The following INO80C variants were observed in gnomAD, a reference collection of about 807,000 sequenced individuals.
INO80C encodes INO80 complex subunit C.
A neutral mutation model predicts 17.7 loss-of-function variants in INO80C; 17 were observed. The observed-to-expected ratio is 0.96, with a 90% CI of 0.66 to 1.44. The LOEUF is 1.44. Among genes scored for constraint, INO80C ranks in the 40% most tolerant of loss-of-function variants. The probability of loss-of-function intolerance (pLI) is 0.00; values close to 1 mark genes in which losing one functional copy is unlikely to be tolerated. For missense variants in INO80C, 244 were observed against 245.0 expected, an observed-to-expected ratio of 1.00 and a Z score of 0.03; for synonymous variants, 96 against 95.8, an observed-to-expected ratio of 1.00 and a Z score of -0.01.
chr18:35,485,828 G>A (rs541156802), intron 1 of INO80C, among the ~76,000 whole-genome samples: 1 of 152,224 alleles, frequency 6.6e-6, no homozygotes, highest in African/African-American at 2.4e-5. Context: ...CTGATGAAGA[G>A]ATAAAATGTG....
Position 35,468,755 on chromosome 18 carries a change from A to C in INO80C, c.448-13T>G. The C allele has an allele frequency of 1.2e-6, 2 of 1,612,472 alleles. No individual in the cohort carries two copies. The highest frequency in any genetic ancestry group is 4.5e-5 in the East Asian group (2 of 44,854). ...CTGTGTAGTTGGCCTGGGTGAAAAGAGGCACAGGGAAGGGCAGAAAGTTTT... is the reference window on the plus strand; with the variant it reads ...CTGTGTAGTTGGCCTGGGTGAAAAGCGGCACAGGGAAGGGCAGAAAGTTTT... On this transcript the variant is annotated splice_polypyrimidine_tract_variant and intron_variant, in intron 4 of 4. Coordinates refer to ENST00000334598, the MANE Select transcript of INO80C (RefSeq NM_194281.4).
intron 1 of INO80C, among the ~76,000 whole-genome samples, chr18:35,486,508 T>C (rs1484206471): frequency 2.0e-5 from 3 of 152,232 alleles, no homozygotes; most frequent in Non-Finnish European, 4.4e-5. Context: ...GTGAATTTTA[T>C]AGTATGTGAA....
In INO80C at chr18:35,474,244, T is replaced by TATATATAC. The variant is rs1163516427; in HGVS notation, c.447+4037_447+4038insGTATATAT. 1.6e-4 allele frequency among the ~76,000 whole-genome samples: 21 copies of TATATATAC among 134,702 alleles called. 1 individual carries two copies. The highest frequency in any genetic ancestry group is 4.6e-4 in the South Asian group (2 of 4,322). The allele number at this position is 134,702 out of a possible 152,430, so 88.4% of individuals were successfully genotyped here. A position where few individuals can be genotyped will look rare whatever the true frequency, so the allele number is the denominator to read the frequency against. On this transcript the variant is annotated intron_variant, in intron 4 of 4. Transcript: ENST00000334598. ...ATATATATATATATATATATATATA[T>TATATATAC]ACTTAATAACTAAGTAGTCTTAAAA...
intron 1 of INO80C, among the ~76,000 whole-genome samples, chr18:35,489,993 A>T (rs536213765): frequency 1.7e-4 from 26 of 151,914 alleles, no homozygotes; most frequent in Non-Finnish European, 3.4e-4. Flanking sequence ...TATTTAGAGG[A>T]TTAAAAAAAA....
intron 1 of INO80C, among the ~76,000 whole-genome samples, chr18:35,489,762 A>C (rs945016452): frequency 6.6e-6 from 1 of 152,202 alleles, no homozygotes. Context: ...GTGTTGTATC[A>C]GAGTTAACTT....
At chr18:35,483,402 T>C (rs772826962) in intron 1 of INO80C, 1 of 152,162 alleles carries the variant, frequency 6.6e-6, no homozygotes, top group Non-Finnish European at 1.5e-5. Context: ...ATATTGTATA[T>C]ATGATTGATA....
rs2045661477 is a variant in INO80C, at chr18:35,470,861, C to T, written c.448-2119G>A. On this transcript the variant is annotated intron_variant, in intron 4 of 4. Transcript: ENST00000334598. ...AAAGAGCTTCACACCTACAGTCCAC[C>T]CTCCTCTGGATGCCATCCTTTGAGC... is the stretch of plus-strand genomic sequence containing the variant. Among the ~76,000 whole-genome samples, 3 of 152,336 alleles carry T rather than the reference C, an allele frequency of 2.0e-5. No individual in the cohort carries two copies. In the South Asian group the frequency reaches 6.2e-4, roughly 32 times the overall value.
Position 35,479,348 on chromosome 18 carries a change from T to C in INO80C, c.331A>G (p.Ile111Val). ...GGCAATGCCCTTTCAGAAGCGAGGA[T>C]TTGTTTCAGGTTCTTCCAGGTTCTG... The part of the protein sequence containing the change: ...KNRTWKNLKQ[I>V]LASERALPWQ... The change falls in exon 3 of 5, where the codon ATC (isoleucine) becomes GTC (valine). Residue 111 changes from isoleucine (I) to valine (V), a missense_variant. By Grantham distance (29) the Ile-to-Val change is conservative (BLOSUM62 3). Transcript: ENST00000334598. 1 of 1,614,120 alleles carries C rather than the reference T, an allele frequency of 6.2e-7. No individual in the cohort carries two copies. The highest frequency in any genetic ancestry group is 8.5e-7 in the Non-Finnish European group (1 of 1,180,000).
intron 1 of INO80C, among the ~76,000 whole-genome samples, chr18:35,487,984 CA>C (rs1384968857): frequency 2.0e-5 from 3 of 152,192 alleles, no homozygotes; most frequent in Admixed American, 6.5e-5. Context: ...CCTAAAGCTC[CA>C]AAATGATCTC....
intron 1 of INO80C, among the ~76,000 whole-genome samples, chr18:35,490,035 G>A (rs1467243327): frequency 6.6e-6 from 1 of 152,032 alleles, no homozygotes; most frequent in Non-Finnish European, 1.5e-5. Flanking sequence ...GCCTCCCCAA[G>A]AGGCACACCC....
intron 1 of INO80C, chr18:35,483,520 G>A (rs2045839107): frequency 6.6e-6 from 1 of 152,190 alleles, no homozygotes; most frequent in Non-Finnish European, 1.5e-5. Flanking sequence ...ATACACAGAG[G>A]GCTCAAAACA....
At chr18:35,483,906 T>A (rs2045844052) in intron 1 of INO80C, among the ~76,000 whole-genome samples, 1 of 152,192 alleles carries the variant, frequency 6.6e-6, no homozygotes, top group African/African-American at 2.4e-5. Flanking sequence ...TGAACCATGT[T>A]AAGGTTTCAT....
intron 4 of INO80C, among the ~76,000 whole-genome samples, chr18:35,472,779 T>C (rs2045685927): frequency 6.6e-6 from 1 of 152,240 alleles, no homozygotes; most frequent in African/African-American, 2.4e-5. Flanking sequence ...TCAAATGTCT[T>C]AATTTCTTCC....
chr18:35,496,027 G>C (rs1171157787), intron 1 of INO80C, among the ~76,000 whole-genome samples: 1 of 152,160 alleles, frequency 6.6e-6, no homozygotes, highest in Non-Finnish European at 1.5e-5. Flanking sequence ...GTATTGTTGA[G>C]GATTTCGAGC....
At position 35,497,813 on chromosome 18, in the gene INO80C, T is replaced by C. The variant is rs766477995; in HGVS notation, c.62A>G (p.Lys21Arg). 2.5e-6 allele frequency: 4 copies of C among 1,612,898 alleles called. 1 individual carries two copies. The highest frequency in any genetic ancestry group is 1.7e-4 in the Middle Eastern group (1 of 6,054). The change falls in exon 1 of 5, where the codon AAG becomes AGG. Residue 21 changes from lysine (K) to arginine (R), a missense_variant. Transcript: ENST00000334598. ...TSTPGIVRNS[K>R]KRPASPSHNG... Reference sequence around the variant, plus strand: ...GTGGGAAGGGCTGGCCGGCCTCTTCTTGCTGTTCCGGACTATTCCGGGAGT... The same window carrying C: ...GTGGGAAGGGCTGGCCGGCCTCTTCCTGCTGTTCCGGACTATTCCGGGAGT...
At chr18:35,495,883 T>C (rs1398584927) in intron 1 of INO80C, among the ~76,000 whole-genome samples, 1 of 152,148 alleles carries the variant, frequency 6.6e-6, no homozygotes, top group African/African-American at 2.4e-5. Context: ...AGATCTGGAA[T>C]GTCCAACAAG....
intron 4 of INO80C, among the ~76,000 whole-genome samples, chr18:35,473,025 T>TA (rs2045688753): frequency 6.6e-6 from 1 of 152,164 alleles, no homozygotes; most frequent in Non-Finnish European, 1.5e-5. Context: ...GCCAATGTCA[T>TA]AAAGGGGCCT....
rs956212161 is a variant in INO80C, at chr18:35,468,346, T to C, written c.*265A>G. 22 of 1,285,208 alleles carry C rather than the reference T, an allele frequency of 1.7e-5. No homozygotes were observed. The highest frequency in any genetic ancestry group is 7.5e-5 in the African/African-American group (5 of 66,886). The allele number at this position is 1,285,208 out of a possible 1,614,324, so 79.6% of individuals were successfully genotyped here. On this transcript the variant is annotated 3_prime_UTR_variant, in exon 5 of 5. Transcript: ENST00000334598. ...AGGGACTTGGGATAAATGAAAAGTA[T>C]GGTTTTATTGTATCTTCTTGTCAAA...
At chr18:35,494,960 A>G (rs185842648) in intron 1 of INO80C, among the ~76,000 whole-genome samples, 15 of 152,366 alleles carry the variant, frequency 9.8e-5, no homozygotes, top group African/African-American at 3.6e-4. Context: ...AAACAGTACA[A>G]TAAATTACTG....
Sources: gnomAD v4.1 joint callset for allele counts (sites outside exome capture counted in the v4.1 genomes callset) on GRCh38, gnomAD v4.1.1 for gene constraint, MANE v1.5 for transcripts, NCBI Gene and HGNC (gene_info 2026-07-23, HGNC 2026-07-21) for gene names.